FRMPD4: variants seen among roughly 807,000 people sequenced by gnomAD.
The protein encoded by FRMPD4 is FERM and PDZ domain-containing protein 4.
Under a neutral mutation model 94.1 loss-of-function variants are expected in FRMPD4, and 22 were observed. That is an observed-to-expected ratio of 0.23 (90% CI 0.17 to 0.33). The LOEUF (loss-of-function observed/expected upper bound fraction) is 0.33. FRMPD4 is among the 10% of genes least tolerant of loss of function. The probability of loss-of-function intolerance (pLI) is 1.00; values close to 1 mark genes in which losing one functional copy is unlikely to be tolerated. For synonymous variants in FRMPD4, 631 were observed against 548.6 expected, an observed-to-expected ratio of 1.15 and a Z score of -2.10; for missense variants, 1,111 against 1,339.9, an observed-to-expected ratio of 0.83 and a Z score of 2.67.
intron 1 of FRMPD4, among the ~76,000 whole-genome samples, chrX:12,342,912 C>A (rs781467772): frequency 1.6e-4 from 18 of 111,804 alleles, no homozygotes; most frequent in Non-Finnish European, 3.4e-4. Context: ...GATTAACTTG[C>A]CCAACATCAC....
chrX:12,536,240 A>C lies in FRMPD4; in HGVS notation c.158+37444A>C, dbSNP rs2058337575. 2.7e-5 allele frequency among the ~76,000 whole-genome samples: 3 copies of C among 110,319 alleles called. No homozygotes were observed. The South Asian group carries it at 1.2e-3, about 43-fold the overall frequency. On this transcript the variant is annotated intron_variant, in intron 2 of 16. Coordinates refer to ENST00000675598, the MANE Select transcript of FRMPD4 (RefSeq NM_001368397.1). Reference sequence around the variant, plus strand: ...AATAACAATGGATTGAATAAAATCTAATTGCTCCAGAAGGTAGCATAGTGC... The same window carrying C: ...AATAACAATGGATTGAATAAAATCTCATTGCTCCAGAAGGTAGCATAGTGC...
chrX:12,476,850 C>T (rs2057606204), intron 1 of FRMPD4, among the ~76,000 whole-genome samples: 2 of 111,773 alleles, frequency 1.8e-5, no homozygotes, highest in Admixed American at 9.5e-5. Context: ...AATAGGAACA[C>T]TTTTACACTG....
Position 12,707,542 on chromosome X carries a change from A to G in FRMPD4, c.1361A>G (p.Lys454Arg), listed in dbSNP as rs1602354130. 1 of 1,207,886 alleles carries G rather than the reference A, an allele frequency of 8.3e-7. No individual in the cohort carries two copies. Among genetic ancestry groups the G allele is most frequent in the African/African-American group, 1.7e-5 (1 of 57,457 alleles). ...RYGISHVINT[K>R]TNLVALLADF... ...GGCATAAGCCATGTCATCAACACCA[A>G]AACCAATCTGGTGGCTCTTTTAGCC... Residue 454 changes from lysine (K) to arginine (R), a missense_variant, in exon 13 of 17, where the codon AAA becomes AGA. Lys to Arg is a conservative substitution (Grantham distance 26). Coordinates refer to ENST00000675598, the MANE Select transcript of FRMPD4 (RefSeq NM_001368397.1).
At chrX:12,427,064 G>T (rs1289675330) in intron 1 of FRMPD4, among the ~76,000 whole-genome samples, 3 of 110,974 alleles carry the variant, frequency 2.7e-5, no homozygotes, top group African/African-American at 9.8e-5. Context: ...GACAAGGTTT[G>T]GTACATTGTA....
chrX:12,232,773 C>T (rs980927728), intron 1 of FRMPD4, among the ~76,000 whole-genome samples: 3 of 111,677 alleles, frequency 2.7e-5, no homozygotes, highest in African/African-American at 3.3e-5. Flanking sequence ...TTTATACTTA[C>T]GCACCATATA....
intron 1 of FRMPD4, among the ~76,000 whole-genome samples, chrX:12,377,755 C>T (rs2056259642): frequency 8.9e-6 from 1 of 112,525 alleles, no homozygotes; most frequent in Non-Finnish European, 1.9e-5. Flanking sequence ...TCGCGATGCT[C>T]GCAGAAGTGC....
At chrX:11,876,977 A>G (rs897854123) in intron 2 of FRMPD4, among the ~76,000 whole-genome samples, 4 of 112,174 alleles carry the variant, frequency 3.6e-5, no homozygotes, top group Non-Finnish European at 7.5e-5. Context: ...TAAACGTCCT[A>G]CAATGCACAG....
chrX:12,470,563 G>C (rs2057499568), intron 1 of FRMPD4, among the ~76,000 whole-genome samples: 1 of 111,953 alleles, frequency 8.9e-6, no homozygotes, highest in African/African-American at 3.2e-5. Context: ...TTTGTGGCTA[G>C]GCTCACACAT....
chrX:12,360,273 T>G (rs1185662561), intron 1 of FRMPD4, among the ~76,000 whole-genome samples: 1 of 111,937 alleles, frequency 8.9e-6, no homozygotes, highest in African/African-American at 3.2e-5. Context: ...CTATCCTGAA[T>G]CTGGTTGGGA....
chrX:12,477,572 C>A (rs2057619845), intron 1 of FRMPD4, among the ~76,000 whole-genome samples: 1 of 112,472 alleles, frequency 8.9e-6, no homozygotes. Flanking sequence ...TTGTTTCCAG[C>A]TGTCTCATTG....
At chrX:11,906,158 T>TA (rs2053966780) in intron 3 of FRMPD4, among the ~76,000 whole-genome samples, 3 of 108,325 alleles carry the variant, frequency 2.8e-5, no homozygotes, top group East Asian at 2.9e-4. Context: ...TTTATTTATT[T>TA]TTCTTTTGAG....
In FRMPD4 at chrX:12,250,072, TTGTGTG is replaced by T. The variant is rs72178576; in HGVS notation, c.41+111088_41+111093del. 2.4e-4 allele frequency among the ~76,000 whole-genome samples: 22 copies of T among 91,447 alleles called. No individual in the cohort carries two copies. In the Middle Eastern group the frequency reaches 0.016, roughly 65 times the overall value. The allele number at this position is 91,447 out of a possible 115,157, so 79.4% of individuals were successfully genotyped here. ...TCTGTGTGTGTGTGTGTTTGTGTGT[TTGTGTG>T]TGTGTGTGTGTGTGTGTGTGTGTGT... is the stretch of plus-strand genomic sequence containing the variant. On this transcript the variant is annotated intron_variant, in intron 1 of 16. Transcript: ENST00000675598.
At chrX:11,880,842 C>G (rs1372160139) in intron 3 of FRMPD4, among the ~76,000 whole-genome samples, 2 of 111,348 alleles carry the variant, frequency 1.8e-5, no homozygotes, top group African/African-American at 3.3e-5. Flanking sequence ...GGGGTTTCAC[C>G]ATGTTGGCCA....
intron 2 of FRMPD4, among the ~76,000 whole-genome samples, chrX:12,608,874 C>T (rs978825868): frequency 8.9e-6 from 1 of 111,792 alleles, no homozygotes; most frequent in African/African-American, 3.3e-5. Context: ...ATTAAGTATA[C>T]TGTTGACCCT....
intron 2 of FRMPD4, among the ~76,000 whole-genome samples, chrX:12,535,420 C>G (rs1329033371): frequency 1.8e-5 from 2 of 111,959 alleles, no homozygotes; most frequent in Admixed American, 1.9e-4. Flanking sequence ...AGATTTGAAT[C>G]TTTTTGTTTG....
intron 2 of FRMPD4, among the ~76,000 whole-genome samples, chrX:12,607,566 A>C (rs1265858071): frequency 1.8e-5 from 2 of 112,190 alleles, no homozygotes; most frequent in Non-Finnish European, 3.8e-5. Context: ...CCCACACTTC[A>C]AATCAGAAGA....
At chrX:12,262,645 T>C (rs978154149) in intron 1 of FRMPD4, among the ~76,000 whole-genome samples, 5 of 112,161 alleles carry the variant, frequency 4.5e-5, no homozygotes, top group Non-Finnish European at 7.5e-5. Flanking sequence ...TTTATCATCA[T>C]AATTATCACT....
intron 1 of FRMPD4, among the ~76,000 whole-genome samples, chrX:12,263,170 A>G: frequency 9.0e-6 from 1 of 111,640 alleles, no homozygotes; most frequent in Non-Finnish European, 1.9e-5. Flanking sequence ...ACTTGGGGGG[A>G]TGAGTGTTAC....
rs186067478 is a variant in FRMPD4 at position 12,656,955 on chromosome X, G to A, written c.423-17908G>A. ...TACAAAATTAGCCAGGTGTGGTGGCGTGTGCCTGTAATCCCAGCTATTTGG... is the reference window on the plus strand; with the variant it reads ...TACAAAATTAGCCAGGTGTGGTGGCATGTGCCTGTAATCCCAGCTATTTGG... On this transcript the variant is annotated intron_variant, in intron 4 of 16. Transcript: ENST00000675598. Among the ~76,000 whole-genome samples, 72 of 110,473 alleles carry A rather than the reference G, an allele frequency of 6.5e-4. No homozygotes were observed. In the East Asian group the frequency reaches 9.4e-3, roughly 14 times the overall value.
Sources: gnomAD v4.1 joint callset for allele counts (sites outside exome capture counted in the v4.1 genomes callset) on GRCh38, gnomAD v4.1.1 for gene constraint, MANE v1.5 for transcripts, NCBI Gene and HGNC (gene_info 2026-07-23, HGNC 2026-07-21) for gene names.